The following PKP4 variants were observed in gnomAD, a reference collection of about 807,000 sequenced individuals.
The protein encoded by PKP4 is plakophilin 4.
In PKP4, 90 loss-of-function variants were observed where a neutral mutation model predicts 145.1. The ratio of observed to expected loss-of-function variants is 0.62; its 90% CI spans 0.52 to 0.74. The LOEUF (loss-of-function observed/expected upper bound fraction) is 0.74, where lower values mean the gene tolerates loss of function less well. Ranked by LOEUF, PKP4 falls within the 30% of genes least tolerant of loss-of-function variation. The pLI is 0.00. For synonymous variants in PKP4, 563 were observed against 577.2 expected, an observed-to-expected ratio of 0.98 and a Z score of 0.35; for missense variants, 1,340 against 1,482.7, an observed-to-expected ratio of 0.90 and a Z score of 1.58.
chr2:158,576,487 A>C (rs72937002), intron 2 of PKP4, among the ~76,000 whole-genome samples: 7,147 of 152,250 alleles, frequency 0.047, 256 homozygotes, highest in Middle Eastern at 0.088. Context: ...ATAACATGAC[A>C]TGTTTTCTAC....
Position 158,625,163 on chromosome 2 carries a change from T to C in PKP4, c.889T>C (p.Ser297Pro). The C allele has an allele frequency of 6.2e-7, 1 of 1,613,992 alleles. No homozygotes were observed. Among genetic ancestry groups the C allele is most frequent in the South Asian group, 1.1e-5 (1 of 91,078 alleles). The change falls in exon 7 of 22, where the codon TCC becomes CCC. Residue 297 changes from serine to proline, a missense_variant. Coordinates refer to ENST00000389759, the MANE Select transcript of PKP4 (RefSeq NM_003628.6). ...TGGGTCAGTCACCTCCCGGCAGACC[T>C]CCAATCCCAACGGACCAACCCCTCA... ...RIGSVTSRQTSNPNGPTPQYQ... is the reference protein window; with the variant it reads ...RIGSVTSRQTPNPNGPTPQYQ...
chr2:158,658,315 G>A lies in PKP4; in HGVS notation c.2093+1G>A. The A allele has an allele frequency of 6.4e-7, 1 of 1,562,974 alleles. No individual in the cohort carries two copies. The highest frequency in any genetic ancestry group is 8.7e-7 in the Non-Finnish European group (1 of 1,146,048). On this transcript the variant is annotated splice_donor_variant, in intron 12 of 21. Transcript: ENST00000389759. LOFTEE classifies it high-confidence loss of function. ...TGCGTAACACGACAGGTTGCCTAAG[G>A]TAAATTCTTTATTTCTTCTTTCCAG...
intron 3 of PKP4, among the ~76,000 whole-genome samples, chr2:158,592,694 T>C (rs1172180357): frequency 1.3e-5 from 2 of 152,120 alleles, no homozygotes; most frequent in African/African-American, 4.8e-5. Flanking sequence ...AATAGTACCT[T>C]TACATGAGTA....
At chr2:158,532,177 A>G (rs756071319) in intron 1 of PKP4, among the ~76,000 whole-genome samples, 10 of 152,210 alleles carry the variant, frequency 6.6e-5, no homozygotes, top group Non-Finnish European at 1.3e-4. Context: ...ATGAATAATA[A>G]TAGTAGAGTA....
At chr2:158,591,111 A>C (rs2049235938) in intron 3 of PKP4, among the ~76,000 whole-genome samples, 1 of 152,108 alleles carries the variant, frequency 6.6e-6, no homozygotes, top group African/African-American at 2.4e-5. Context: ...CTACAGAGCA[A>C]ATGAAATTAT....
At chr2:158,650,193 A>G (rs2055226268) in intron 11 of PKP4, among the ~76,000 whole-genome samples, 1 of 152,116 alleles carries the variant, frequency 6.6e-6, no homozygotes, top group Non-Finnish European at 1.5e-5. Flanking sequence ...GTTCCCTTTT[A>G]TTAGCTCTGC....
chr2:158,469,796 T>C (rs1386163310), intron 1 of PKP4, among the ~76,000 whole-genome samples: 2 of 152,242 alleles, frequency 1.3e-5, no homozygotes, highest in African/African-American at 4.8e-5. Context: ...TTTTCTGTAT[T>C]TGAATGATAT....
intron 11 of PKP4, among the ~76,000 whole-genome samples, chr2:158,648,331 C>T (rs552220957): frequency 1.1e-4 from 16 of 151,934 alleles, no homozygotes; most frequent in Non-Finnish European, 1.9e-4. Flanking sequence ...ATTTTTAATT[C>T]GATGATAAAT....
chr2:158,536,948 T>C (rs2044101267), intron 2 of PKP4, among the ~76,000 whole-genome samples: 1 of 152,238 alleles, frequency 6.6e-6, no homozygotes, highest in African/African-American at 2.4e-5. Context: ...TACCTGAGGA[T>C]AGAGCCGTGT....
chr2:158,521,464 G>A (rs1282961982), intron 1 of PKP4, among the ~76,000 whole-genome samples: 1 of 152,136 alleles, frequency 6.6e-6, no homozygotes, highest in Non-Finnish European at 1.5e-5. Flanking sequence ...ACTATGCATA[G>A]ATTATTCTCT....
intron 3 of PKP4, among the ~76,000 whole-genome samples, chr2:158,587,722 A>T (rs1283560317): frequency 6.6e-6 from 1 of 152,018 alleles, no homozygotes; most frequent in Non-Finnish European, 1.5e-5. Context: ...TCCTGTAATT[A>T]AAAATTATTA....
At chr2:158,522,726 C>A (rs1010733988) in intron 1 of PKP4, among the ~76,000 whole-genome samples, 1 of 152,308 alleles carries the variant, frequency 6.6e-6, no homozygotes, top group Admixed American at 6.5e-5. Flanking sequence ...GTACCGGGTT[C>A]ATCTCACTAG....
chr2:158,558,021 T>G (rs933002343), intron 2 of PKP4, among the ~76,000 whole-genome samples: 1 of 152,164 alleles, frequency 6.6e-6, no homozygotes, highest in African/African-American at 2.4e-5. Flanking sequence ...CACATAGTTG[T>G]TACTTGAAGC....
intron 1 of PKP4, among the ~76,000 whole-genome samples, chr2:158,526,588 C>T (rs2042972618): frequency 1.1e-5 from 1 of 87,424 alleles, no homozygotes; most frequent in South Asian, 5.8e-4. Context: ...ACAGGGATGC[C>T]CTCTCTCACC....
chr2:158,572,587 A>C (rs1339256583), intron 2 of PKP4, among the ~76,000 whole-genome samples: 1 of 152,208 alleles, frequency 6.6e-6, no homozygotes, highest in Non-Finnish European at 1.5e-5. Context: ...CCTTTGCCCA[A>C]AGCTAGAACT....
chr2:158,622,429 G>C (rs1393051470), intron 6 of PKP4, among the ~76,000 whole-genome samples: 3 of 152,080 alleles, frequency 2.0e-5, no homozygotes, highest in African/African-American at 7.2e-5. Flanking sequence ...CCTGCATGGT[G>C]GTAACCAGTG....
chr2:158,522,639 G>A (rs573364643), intron 1 of PKP4, among the ~76,000 whole-genome samples: 169 of 150,392 alleles, frequency 1.1e-3, no homozygotes, highest in African/African-American at 3.8e-3. Context: ...CAAGATGGCC[G>A]AATAGGAACA....
chr2:158,671,867 T>A (rs1231287866), intron 17 of PKP4, among the ~76,000 whole-genome samples: 1 of 152,200 alleles, frequency 6.6e-6, no homozygotes, highest in Admixed American at 6.5e-5. Context: ...AATGAAGGCC[T>A]TGCAGAGACA....
intron 4 of PKP4, among the ~76,000 whole-genome samples, chr2:158,605,928 A>T (rs190516686): frequency 6.6e-6 from 1 of 152,256 alleles, no homozygotes; most frequent in East Asian, 1.9e-4. Flanking sequence ...TTCACTTGGC[A>T]TGATTTTTTC....
Sources: gnomAD v4.1 joint callset for allele counts (sites outside exome capture counted in the v4.1 genomes callset) on GRCh38, gnomAD v4.1.1 for gene constraint, MANE v1.5 for transcripts, NCBI Gene and HGNC (gene_info 2026-07-23, HGNC 2026-07-21) for gene names.